Variants in EPHA3 observed in about 807,000 individuals in gnomAD.
EPHA3 encodes the protein EPH receptor A3.
A neutral mutation model predicts 107.1 loss-of-function variants in EPHA3; 42 were observed. The ratio of observed to expected loss-of-function variants is 0.39; its 90% confidence interval spans 0.31 to 0.51. The LOEUF is 0.51. EPHA3 is among the 20% of genes least tolerant of loss of function. EPHA3 has a pLI of 0.78. For missense variants in EPHA3, 1,183 were observed against 1,211.2 expected, an observed-to-expected ratio of 0.98 and a Z score of 0.35; for synonymous variants, 461 against 424.8, an observed-to-expected ratio of 1.09 and a Z score of -1.05.
intron 1 of EPHA3, among the ~76,000 whole-genome samples, chr3:89,123,538 C>G (rs1027391524): frequency 2.6e-5 from 4 of 152,134 alleles, no homozygotes; most frequent in African/African-American, 9.7e-5. Flanking sequence ...AACTTAGTGC[C>G]CATCTGAAAG....
intron 2 of EPHA3, among the ~76,000 whole-genome samples, chr3:89,170,719 T>C (rs1488835824): frequency 1.3e-5 from 2 of 152,146 alleles, no homozygotes; most frequent in African/African-American, 4.8e-5. Flanking sequence ...CTATATGTCA[T>C]TGCAGAAGAG....
intron 3 of EPHA3, among the ~76,000 whole-genome samples, chr3:89,242,976 T>A (rs767759613): frequency 2.1e-5 from 3 of 142,302 alleles, no homozygotes; most frequent in Admixed American, 7.4e-5. Context: ...CATTGTTCAA[T>A]TCCCACCTAT....
intron 5 of EPHA3, among the ~76,000 whole-genome samples, chr3:89,370,805 G>A (rs1271538480): frequency 1.3e-5 from 2 of 151,600 alleles, no homozygotes; most frequent in East Asian, 3.9e-4. Context: ...AGAAAGTATA[G>A]GAGAAACTAA....
At chr3:89,229,034 A>G (rs985575662) in intron 3 of EPHA3, among the ~76,000 whole-genome samples, 1 of 151,848 alleles carries the variant, frequency 6.6e-6, no homozygotes, top group Non-Finnish European at 1.5e-5. Flanking sequence ...CCTTTTCACT[A>G]TTTCTCTTTC....
intron 1 of EPHA3, among the ~76,000 whole-genome samples, chr3:89,125,253 T>G (rs1704070101): frequency 6.6e-6 from 1 of 151,826 alleles, no homozygotes; most frequent in South Asian, 2.1e-4. Context: ...TAATAATTTA[T>G]GTATACTGGC....
chr3:89,137,774 A>AT (rs1451453290), intron 2 of EPHA3, among the ~76,000 whole-genome samples: 2 of 151,952 alleles, frequency 1.3e-5, no homozygotes, highest in East Asian at 3.9e-4. Flanking sequence ...ATACACTTGG[A>AT]TTTTTCTGAT....
intron 16 of EPHA3, among the ~76,000 whole-genome samples, chr3:89,476,663 A>T (rs1710517085): frequency 6.6e-6 from 1 of 150,818 alleles, no homozygotes; most frequent in Non-Finnish European, 1.5e-5. Context: ...GCTGGAGTGC[A>T]GTGGCGCGAT....
chr3:89,408,342 C>A (rs1479181071), intron 9 of EPHA3, among the ~76,000 whole-genome samples: 1 of 152,048 alleles, frequency 6.6e-6, no homozygotes, highest in Non-Finnish European at 1.5e-5. Flanking sequence ...CATACTTAAG[C>A]TAAAATAAAG....
At chr3:89,446,503 C>G (rs2107550612) in intron 13 of EPHA3, among the ~76,000 whole-genome samples, 1 of 152,272 alleles carries the variant, frequency 6.6e-6, no homozygotes, top group Middle Eastern at 3.4e-3. Flanking sequence ...AACAACTCTT[C>G]TGTGTTTCTT....
At chr3:89,130,552 C>T (rs1459451983) in intron 2 of EPHA3, among the ~76,000 whole-genome samples, 2 of 151,678 alleles carry the variant, frequency 1.3e-5, no homozygotes, top group African/African-American at 4.8e-5. Flanking sequence ...TCTTCCTTTT[C>T]CTCCAAAGAC....
At chr3:89,124,891 T>C (rs1432637002) in intron 1 of EPHA3, among the ~76,000 whole-genome samples, 1 of 151,974 alleles carries the variant, frequency 6.6e-6, no homozygotes, top group African/African-American at 2.4e-5. Context: ...CTTACTTTAA[T>C]TGACTGTATG....
At chr3:89,361,053 G>A (rs1708080843) in intron 5 of EPHA3, among the ~76,000 whole-genome samples, 1 of 150,876 alleles carries the variant, frequency 6.6e-6, no homozygotes, top group Non-Finnish European at 1.5e-5. Context: ...TTGGGCACTT[G>A]GCAAGTCTTT....
intron 15 of EPHA3, among the ~76,000 whole-genome samples, chr3:89,468,717 T>C (rs899424569): frequency 1.3e-4 from 20 of 152,192 alleles, no homozygotes; most frequent in African/African-American, 4.8e-4. Flanking sequence ...GCTATTCTTA[T>C]CAATTTTTTA....
intron 3 of EPHA3, among the ~76,000 whole-genome samples, chr3:89,269,518 C>T (rs1345829047): frequency 2.0e-5 from 3 of 151,910 alleles, no homozygotes; most frequent in African/African-American, 4.8e-5. Context: ...TTACGTGATC[C>T]TCAGTGATCC....
intron 16 of EPHA3, among the ~76,000 whole-genome samples, chr3:89,476,870 A>C (rs1191836225): frequency 2.0e-5 from 3 of 152,008 alleles, no homozygotes; most frequent in Non-Finnish European, 4.4e-5. Flanking sequence ...GGCCTCCCAA[A>C]GTGCTGGGAT....
At chr3:89,228,901 T>A (rs2107220908) in intron 3 of EPHA3, among the ~76,000 whole-genome samples, 1 of 152,032 alleles carries the variant, frequency 6.6e-6, no homozygotes, top group South Asian at 2.1e-4. Context: ...GTACATGAGC[T>A]TTTGTGGTTT....
Position 89,305,756 on chromosome 3 carries a change from C to G in EPHA3, c.815-35160C>G, listed in dbSNP as rs1453806926. On this transcript the variant is annotated intron_variant, in intron 3 of 16. Transcript: ENST00000336596. ...CTTTCCCATGTTTGACTCCAGTCTC[C>G]CGACTATGTGCGTTCAACCAGACTA... Among the ~76,000 whole-genome samples, 13 of 152,072 alleles carry G rather than the reference C, an allele frequency of 8.5e-5. 1 individual carries two copies. The highest frequency in any genetic ancestry group is 1.9e-4 in the Non-Finnish European group (13 of 68,004).
At chr3:89,288,016 C>G (rs951367063) in intron 3 of EPHA3, among the ~76,000 whole-genome samples, 2 of 151,880 alleles carry the variant, frequency 1.3e-5, no homozygotes, top group Non-Finnish European at 2.9e-5. Flanking sequence ...GGAAAACATA[C>G]CAGAATTTAT....
At chr3:89,275,627 C>G (rs1705786151) in intron 3 of EPHA3, among the ~76,000 whole-genome samples, 1 of 152,168 alleles carries the variant, frequency 6.6e-6, no homozygotes, top group African/African-American at 2.4e-5. Flanking sequence ...CCACCAGATT[C>G]TTTTCCAACA....
Sources: gnomAD v4.1 joint callset for allele counts (sites outside exome capture counted in the v4.1 genomes callset) on GRCh38, gnomAD v4.1.1 for gene constraint, MANE v1.5 for transcripts, NCBI Gene and HGNC (gene_info 2026-07-23, HGNC 2026-07-21) for gene names.